Variants in GTF2H3 observed in about 807,000 individuals in gnomAD.
GTF2H3 encodes general transcription factor IIH subunit 3, also known as TFIIH basal transcription factor complex p34 subunit.
GTF2H3 carries 42 observed loss-of-function variants against 51.1 expected under a neutral mutation model. The ratio of observed to expected loss-of-function variants is 0.82; its 90% CI spans 0.64 to 1.06. The LOEUF is 1.06. Among genes scored for constraint, GTF2H3 ranks in the 50% least tolerant of loss-of-function variants. The pLI is 0.00. For synonymous variants in GTF2H3, 123 were observed against 123.8 expected (o/e 0.99, Z 0.04); for missense variants, 326 against 366.1 (o/e 0.89, Z 0.89).
chr12:123,636,930 T>A (rs867547542), intron 1 of GTF2H3, among the ~76,000 whole-genome samples: 53 of 150,178 alleles, frequency 3.5e-4, no homozygotes, highest in South Asian at 3.2e-3. Context: ...AAAAAAAAAA[T>A]AATAATTAGC....
intron 5 of GTF2H3, among the ~76,000 whole-genome samples, chr12:123,651,608 A>G (rs894781303): frequency 3.3e-5 from 5 of 152,038 alleles, no homozygotes; most frequent in Non-Finnish European, 5.9e-5. Context: ...TCATGAGGTC[A>G]GGAAATCAAG....
chr12:123,654,991 A>G lies in GTF2H3; in HGVS notation c.554A>G (p.Gln185Arg). ...TTCATGAATGTCATCTTTGCAGCAC[A>G]GAAACAGGTGAACTGAGAGCCTGCC... ...MNFMNVIFAA[Q>R]KQNILIDACV... Residue 185 changes from glutamine (Q) to arginine (R), a missense_variant, in exon 8 of 13, where the codon CAG becomes CGG. Coordinates refer to ENST00000543341, the MANE Select transcript of GTF2H3 (RefSeq NM_001516.5). The G allele has an allele frequency of 6.2e-7, 1 of 1,611,172 alleles. No homozygotes were observed. The highest frequency in any genetic ancestry group is 8.5e-7 in the Non-Finnish European group (1 of 1,177,252).
chr12:123,655,605 A>G (rs1955576837), intron 8 of GTF2H3, 166 bp from the exon 9 acceptor site: 10 of 546,422 alleles, frequency 1.8e-5, no homozygotes, highest in South Asian at 7.4e-5. Context: ...CAGCCCAGCC[A>G]TGTCCTGGGT....
Position 123,660,432 on chromosome 12 carries a change from A to G in GTF2H3, c.*197A>G. ...TTTGTTTGAGGGAATCATTCTATGC[A>G]TTATATCCTAAAATATTCTATGACT... is the stretch of plus-strand genomic sequence containing the variant. On this transcript the variant is annotated 3_prime_UTR_variant, in exon 13 of 13. Transcript: ENST00000543341. The G allele has an allele frequency of 2.1e-6, 1 of 475,346 alleles. No individual in the cohort carries two copies. Among genetic ancestry groups the G allele is most frequent in the Non-Finnish European group, 3.7e-6 (1 of 270,294 alleles). The allele number at this position is 475,346 out of a possible 1,614,324, so 29.4% of individuals were successfully genotyped here. A position where few individuals can be genotyped will look rare whatever the true frequency, so the allele number is the denominator to read the frequency against.
chr12:123,643,867 G>A (rs748545967), intron 2 of GTF2H3, among the ~76,000 whole-genome samples: 1 of 148,486 alleles, frequency 6.7e-6, no homozygotes, highest in Non-Finnish European at 1.5e-5. Flanking sequence ...TGGAGTCTTT[G>A]TCACCCAGGC....
At chr12:123,654,776 C>A in intron 7 of GTF2H3, 148 bp from the exon 8 acceptor site, 1 of 643,940 alleles carries the variant, frequency 1.6e-6, no homozygotes. Flanking sequence ...ATGTTACTGT[C>A]ATCTTTATAC....
intron 2 of GTF2H3, among the ~76,000 whole-genome samples, chr12:123,644,766 ATAGT>A (rs1217434412): frequency 6.6e-6 from 1 of 152,250 alleles, no homozygotes; most frequent in Non-Finnish European, 1.5e-5. Context: ...GTGGCTCAGT[ATAGT>A]TAGTGAACAA....
chr12:123,643,752 A>G (rs1411396923), intron 2 of GTF2H3, among the ~76,000 whole-genome samples: 1 of 151,864 alleles, frequency 6.6e-6, no homozygotes, highest in Non-Finnish European at 1.5e-5. Flanking sequence ...GTTTTCTTTC[A>G]CTTTTATTTA....
intron 1 of GTF2H3, 65 bp downstream of exon 1, chr12:123,633,937 G>C: frequency 6.4e-7 from 1 of 1,550,596 alleles, no homozygotes; most frequent in Non-Finnish European, 8.9e-7. Context: ...GCTACGACTG[G>C]CCAGATGGAA....
intron 7 of GTF2H3, among the ~76,000 whole-genome samples, chr12:123,654,394 GTGTGTATTTTGGGTGTACTTACC>G (rs1438850502): frequency 6.6e-6 from 1 of 151,412 alleles, no homozygotes; most frequent in Admixed American, 6.6e-5. Flanking sequence ...GGTTGTGTGT[GTGTGTATTTTGGGTGTACTTACC>G]TGTGTATTTT....
intron 4 of GTF2H3, chr12:123,650,396 C>T (rs1436768295): frequency 6.6e-6 from 1 of 152,318 alleles, no homozygotes; most frequent in African/African-American, 2.4e-5. Context: ...GCAAGGGGGC[C>T]TCAGAGCCTT....
intron 2 of GTF2H3, among the ~76,000 whole-genome samples, chr12:123,645,117 C>T (rs566853464): frequency 3.3e-5 from 5 of 152,302 alleles, no homozygotes; most frequent in African/African-American, 1.2e-4. Context: ...GTTGTCCAGG[C>T]TGCAGTACAG....
intron 7 of GTF2H3, 115 bp from the exon 8 acceptor site, chr12:123,654,809 T>A: frequency 1.3e-6 from 1 of 743,094 alleles, no homozygotes; most frequent in Non-Finnish European, 2.4e-6. Flanking sequence ...TTAACAATGA[T>A]AAATGGGAAG....
intron 3 of GTF2H3, among the ~76,000 whole-genome samples, chr12:123,646,412 C>T (rs1361540926): frequency 6.6e-6 from 1 of 152,084 alleles, no homozygotes. Flanking sequence ...CAGGTGTGCA[C>T]CACCACACTC....
intron 2 of GTF2H3, among the ~76,000 whole-genome samples, chr12:123,640,333 T>G (rs1955351205): frequency 7.1e-6 from 1 of 141,446 alleles, no homozygotes; most frequent in African/African-American, 2.7e-5. Context: ...GAGGTTTTTG[T>G]GGCCTTTTTT....
At chr12:123,659,409 T>C (rs1955625631) in intron 9 of GTF2H3, 107 bp from the exon 10 acceptor site, 1 of 774,596 alleles carries the variant, frequency 1.3e-6, no homozygotes, top group Non-Finnish European at 2.3e-6. Context: ...TGCAGTGTCA[T>C]ATCCTCCTCT....
intron 5 of GTF2H3, among the ~76,000 whole-genome samples, chr12:123,651,799 G>A (rs1166077995): frequency 6.8e-6 from 1 of 146,236 alleles, no homozygotes; most frequent in Non-Finnish European, 1.5e-5. Context: ...CAGCCTGGGC[G>A]ACAAAGCGAG....
chr12:123,658,086 G>GTCT (rs1955609187), intron 9 of GTF2H3, among the ~76,000 whole-genome samples: 1 of 152,140 alleles, frequency 6.6e-6, no homozygotes, highest in African/African-American at 2.4e-5. Context: ...TTTAGACAGA[G>GTCT]TCTTGCTCTT....
At position 123,633,835 on chromosome 12, in the gene GTF2H3, T is replaced by C. The variant is rs774468940; in HGVS notation, c.-25T>C. On this transcript the variant is annotated 5_prime_UTR_variant, in exon 1 of 13. Coordinates refer to ENST00000543341, the MANE Select transcript of GTF2H3 (RefSeq NM_001516.5). ...AGACGCTCCCCTGACCACCACTTGC[T>C]CTGCGCTGAGGTGCTGGGACAGCCA... 78 of 1,612,416 alleles carry C rather than the reference T, an allele frequency of 4.8e-5. No homozygotes were observed. The highest frequency in any genetic ancestry group is 3.3e-5 in the Admixed American group (2 of 60,002).
Sources: gnomAD v4.1 joint callset for allele counts (sites outside exome capture counted in the v4.1 genomes callset) on GRCh38, gnomAD v4.1.1 for gene constraint, MANE v1.5 for transcripts, NCBI Gene and HGNC (gene_info 2026-07-23, HGNC 2026-07-21) for gene names.